The following ANO6 variants were observed in gnomAD, a reference collection of about 807,000 sequenced individuals.
ANO6 encodes anoctamin-6.
Under a neutral mutation model 117.5 loss-of-function variants are expected in ANO6, and 106 were observed. That is an observed-to-expected ratio of 0.90 (90% CI 0.77 to 1.06). ANO6 has a LOEUF of 1.06. Among genes scored for constraint, ANO6 ranks in the 50% least tolerant of loss-of-function variants. The pLI is 0.00. For missense variants in ANO6, 955 were observed against 1,121.1 expected (o/e 0.85, Z 2.12); for synonymous variants, 367 against 385.1 (o/e 0.95, Z 0.55).
At chr12:45,427,797 G>A (rs1024076060) in intron 19 of ANO6, among the ~76,000 whole-genome samples, 5 of 151,100 alleles carry the variant, frequency 3.3e-5, no homozygotes, top group Admixed American at 1.3e-4. Context: ...AAAATTAGCC[G>A]GGCATGGTGG....
intron 1 of ANO6, among the ~76,000 whole-genome samples, chr12:45,274,396 C>A (rs1938482663): frequency 6.6e-6 from 1 of 152,134 alleles, no homozygotes; most frequent in Non-Finnish European, 1.5e-5. Flanking sequence ...GTGATACCAC[C>A]TAGTCACTCA....
downstream of ANO6, among the ~76,000 whole-genome samples, chr12:45,432,811 T>G (rs1943662530): frequency 6.6e-6 from 1 of 152,180 alleles, no homozygotes; most frequent in Non-Finnish European, 1.5e-5. Context: ...AGGACACCTT[T>G]CCCAGAACCA....
chr12:45,366,052 T>A (rs1941675884), intron 8 of ANO6, among the ~76,000 whole-genome samples: 1 of 152,106 alleles, frequency 6.6e-6, no homozygotes, highest in African/African-American at 2.4e-5. Flanking sequence ...CAGTCCTAGT[T>A]ACATACAAGC....
chr12:45,265,802 T>G (rs1938197064), intron 1 of ANO6, among the ~76,000 whole-genome samples: 1 of 152,208 alleles, frequency 6.6e-6, no homozygotes, highest in Non-Finnish European at 1.5e-5. Flanking sequence ...TTTTTAAATC[T>G]TATGTCCTGC....
At chr12:45,356,020 G>T (rs11182996) in intron 7 of ANO6, among the ~76,000 whole-genome samples, 1 of 152,130 alleles carries the variant, frequency 6.6e-6, no homozygotes, top group African/African-American at 2.4e-5. Context: ...AGCAACAGCA[G>T]CAGTCACCTG....
Position 45,438,828 on chromosome 12 carries a change from T to A in ANO6, c.2527-847T>A, listed in dbSNP as rs534005115. Among the ~76,000 whole-genome samples, 8 of 152,292 alleles carry A rather than the reference T, an allele frequency of 5.3e-5. No homozygotes were observed. In the South Asian group the frequency reaches 1.7e-3, roughly 32 times the overall value. Reference sequence around the variant, plus strand: ...AAAAACATGACCCACATTGATCCTGTAAGCCATATGCAGGGAGTAATTCCA... The same window carrying A: ...AAAAACATGACCCACATTGATCCTGAAAGCCATATGCAGGGAGTAATTCCA... On this transcript the variant is annotated intron_variant, in intron 19 of 19. Transcript: ENST00000425752.
At chr12:45,280,674 A>G (rs1021522121) in intron 1 of ANO6, among the ~76,000 whole-genome samples, 3 of 152,106 alleles carry the variant, frequency 2.0e-5, no homozygotes, top group Non-Finnish European at 4.4e-5. Flanking sequence ...ATGCTCTCCT[A>G]TCAATCACAG....
chr12:45,429,509 A>G lies in ANO6; in HGVS notation c.*198A>G. The G allele has an allele frequency of 7.2e-7, 1 of 1,395,922 alleles. No individual in the cohort carries two copies. The highest frequency in any genetic ancestry group is 9.3e-7 in the Non-Finnish European group (1 of 1,078,258). 86.5% of individuals were successfully genotyped at this position (1,395,922 alleles called of 1,614,324 possible). A position where few individuals can be genotyped will look rare whatever the true frequency, so the allele number is the denominator to read the frequency against. On this transcript the variant is annotated 3_prime_UTR_variant, in exon 20 of 20. Transcript: ENST00000320560. ...GTAAAACTTAGATCATGAAGGGCAT[A>G]AAACTTATCACCCGGAAAACCTCAA...
intron 3 of ANO6, among the ~76,000 whole-genome samples, chr12:45,340,896 G>T (rs573716387): frequency 6.6e-6 from 1 of 152,198 alleles, no homozygotes; most frequent in African/African-American, 2.4e-5. Flanking sequence ...GACAAATATA[G>T]CACATATGCT....
intron 2 of ANO6, among the ~76,000 whole-genome samples, chr12:45,322,034 TG>T (rs1243946129): frequency 2.0e-5 from 3 of 152,132 alleles, no homozygotes; most frequent in Non-Finnish European, 4.4e-5. Flanking sequence ...TGTGCTAAGG[TG>T]CTGGCAGTTT....
chr12:45,307,151 G>C (rs981864602), intron 2 of ANO6, among the ~76,000 whole-genome samples: 1 of 152,056 alleles, frequency 6.6e-6, no homozygotes, highest in Non-Finnish European at 1.5e-5. Context: ...GCCTTTGGAG[G>C]GTAAACTGGC....
Position 45,429,277 on chromosome 12 carries a change from C to T in ANO6, c.2699C>T (p.Ala900Val). 1.9e-6 allele frequency: 3 copies of T among 1,613,690 alleles called. No homozygotes were observed. The highest frequency in any genetic ancestry group is 2.5e-6 in the Non-Finnish European group (3 of 1,179,830). Residue 900 changes from alanine to valine, a missense_variant, in exon 20 of 20, where the codon GCA becomes GTA. By Grantham distance (64) the Ala-to-Val change is moderately conservative (BLOSUM62 0). Coordinates refer to ENST00000320560, the MANE Select transcript of ANO6 (RefSeq NM_001025356.3). ...GTGATAGCTGAGCGGATGATAGAAGCAGTAGATAACAATTTACGGCCAAAA... is the reference window on the plus strand; with the variant it reads ...GTGATAGCTGAGCGGATGATAGAAGTAGTAGATAACAATTTACGGCCAAAA... ...MGVIAERMIE[A>V]VDNNLRPKSE
At chr12:45,270,421 TA>T (rs891143852) in intron 1 of ANO6, 19 of 1,517,602 alleles carry the variant, frequency 1.3e-5, no homozygotes, top group Middle Eastern at 1.7e-4. Flanking sequence ...CCATCCCTTA[TA>T]TTGGCCTGTT....
At chr12:45,439,792 G>C in exon 20 of ANO6, 2 of 1,550,472 alleles carry the variant, frequency 1.3e-6, no homozygotes, top group East Asian at 2.4e-5. Flanking sequence ...TAGACTTTTG[G>C]AACAACTAAC....
intron 2 of ANO6, among the ~76,000 whole-genome samples, chr12:45,328,291 TC>T (rs1174498152): frequency 6.6e-6 from 1 of 152,048 alleles, no homozygotes; most frequent in Non-Finnish European, 1.5e-5. Context: ...CTTCCTTTCC[TC>T]CCCACCCCAG....
At chr12:45,320,050 G>C (rs918914979) in intron 2 of ANO6, among the ~76,000 whole-genome samples, 1 of 151,910 alleles carries the variant, frequency 6.6e-6, no homozygotes, top group Non-Finnish European at 1.5e-5. Context: ...CAGTTTTGTT[G>C]ATCATTTCAA....
At chr12:45,364,359 A>C (rs1027167681) in intron 8 of ANO6, among the ~76,000 whole-genome samples, 2 of 152,172 alleles carry the variant, frequency 1.3e-5, no homozygotes, top group Admixed American at 1.3e-4. Context: ...TAAATGTAGG[A>C]AGTTTTCAGC....
At chr12:45,275,506 CCTGT>C (rs1938527726) in intron 1 of ANO6, among the ~76,000 whole-genome samples, 2 of 152,222 alleles carry the variant, frequency 1.3e-5, no homozygotes, top group Admixed American at 6.5e-5. Context: ...CCATGCCCGG[CCTGT>C]CTGTCTCCTT....
In ANO6 at chr12:45,406,002, T is replaced by C. The variant is rs76761715; in HGVS notation, c.1880+2466T>C. Among the ~76,000 whole-genome samples, 59 of 152,334 alleles carry C rather than the reference T, an allele frequency of 3.9e-4. 1 individual carries two copies. The highest frequency in any genetic ancestry group is 1.4e-3 in the African/African-American group (59 of 41,570). ...GAGAAAAGCCTTATAAGTCAGCAGT[T>C]GTTTTCACATCGTGTAAGTGTGTCA... On this transcript the variant is annotated intron_variant, in intron 15 of 19. Transcript: ENST00000320560.
Sources: allele counts gnomAD v4.1 joint callset (sites outside exome capture counted in the v4.1 genomes callset), GRCh38; gene constraint gnomAD v4.1.1; transcripts MANE v1.5; gene names NCBI Gene and HGNC (gene_info 2026-07-23, HGNC 2026-07-21).